The following PLRG1 variants were observed in gnomAD, a reference collection of about 807,000 sequenced individuals.
PLRG1 encodes pleiotropic regulator 1.
In PLRG1, 28 loss-of-function variants were observed where a neutral mutation model predicts 74.9. That is an observed-to-expected ratio of 0.37 (90% CI 0.28 to 0.51). The LOEUF (loss-of-function observed/expected upper bound fraction) is 0.51. PLRG1 is among the 20% of genes least tolerant of loss of function. The pLI, the probability that PLRG1 is intolerant of heterozygous loss-of-function variation, is 0.91. For synonymous variants in PLRG1, 197 were observed against 212.4 expected, an observed-to-expected ratio of 0.93 and a Z score of 0.63; for missense variants, 445 against 631.9, an observed-to-expected ratio of 0.70 and a Z score of 3.17.
intron 10 of PLRG1, chr4:154,540,302 C>T (rs942902884): frequency 1.6e-5 from 9 of 578,722 alleles, no homozygotes; most frequent in Non-Finnish European, 2.1e-5. Flanking sequence ...GATGGGACTA[C>T]TTTTTAAGAC....
rs566102184 is a variant in PLRG1 at position 154,549,126 on chromosome 4, A to T, written c.10-191T>A. ...GAAGCTCCTCTTTGGCTAGAACCTC[A>T]GGTTTAGCAACTGAGTGATGCCGGA... On this transcript the variant is annotated intron_variant, in intron 1 of 14. Coordinates refer to ENST00000499023, the MANE Select transcript of PLRG1 (RefSeq NM_002669.4). 3.1e-5 allele frequency: 18 copies of T among 581,088 alleles called. No individual in the cohort carries two copies. The African/African-American group carries it at 3.3e-4, about 11-fold the overall frequency. 36.0% of individuals were successfully genotyped at this position (581,088 alleles called of 1,614,324 possible).
intron 8 of PLRG1, chr4:154,541,885 T>C: frequency 3.1e-6 from 1 of 320,238 alleles, no homozygotes; most frequent in Non-Finnish European, 5.9e-6. Context: ...ATTCTCTATA[T>C]TTTCCACATT....
chr4:154,539,462 A>C (rs1578766596), intron 11 of PLRG1, among the ~76,000 whole-genome samples: 1 of 152,204 alleles, frequency 6.6e-6, no homozygotes, highest in South Asian at 2.1e-4. Flanking sequence ...ATAACAAATA[A>C]ATATATAATT....
intron 1 of PLRG1, chr4:154,549,899 G>T (rs548072224): frequency 4.9e-6 from 2 of 410,330 alleles, no homozygotes; most frequent in African/African-American, 4.1e-5. Context: ...TTTTCTGGGG[G>T]TAGAGGTGAA....
chr4:154,537,165 T>G, intron 14 of PLRG1, 121 bp downstream of exon 14: 1 of 607,038 alleles, frequency 1.6e-6, no homozygotes. Context: ...ATGGACACTA[T>G]TCAAGAAGAC....
intron 8 of PLRG1, among the ~76,000 whole-genome samples, chr4:154,541,312 T>A (rs539267900): frequency 1.4e-4 from 22 of 152,280 alleles, no homozygotes; most frequent in African/African-American, 5.1e-4. Flanking sequence ...CAAAGTTTTT[T>A]AAAAAGATTA....
At chr4:154,547,585 G>A in intron 3 of PLRG1, 126 bp downstream of exon 3, 1 of 779,660 alleles carries the variant, frequency 1.3e-6, no homozygotes, top group Non-Finnish European at 2.1e-6. Context: ...TTATAATACA[G>A]GTACGGCCAT....
intron 10 of PLRG1, 79 bp from the exon 11 acceptor site, chr4:154,540,132 C>T (rs1315225828): frequency 3.7e-6 from 3 of 804,936 alleles, no homozygotes; most frequent in Non-Finnish European, 6.5e-6. Flanking sequence ...CAATTCAAGG[C>T]TGAAAATTTA....
intron 1 of PLRG1, among the ~76,000 whole-genome samples, chr4:154,549,455 T>C (rs1305959859): frequency 1.3e-5 from 2 of 152,028 alleles, no homozygotes; most frequent in East Asian, 1.9e-4. Flanking sequence ...CTGATGGAAA[T>C]GTCATGTAAA....
At chr4:154,539,434 C>T (rs1272031499) in intron 11 of PLRG1, among the ~76,000 whole-genome samples, 1 of 151,914 alleles carries the variant, frequency 6.6e-6, no homozygotes, top group Non-Finnish European at 1.5e-5. Context: ...GTCAATTGAA[C>T]AGCTAAAACA....
chr4:154,546,509 A>C, intron 4 of PLRG1: 1 of 345,458 alleles, frequency 2.9e-6, no homozygotes, highest in South Asian at 3.6e-5. Flanking sequence ...AGTATTAAGC[A>C]GTTCCTCAAA....
chr4:154,548,719 T>C (rs1386166627), intron 2 of PLRG1, 110 bp downstream of exon 2: 1 of 629,338 alleles, frequency 1.6e-6, no homozygotes, highest in East Asian at 2.8e-5. Flanking sequence ...CATTATTGAA[T>C]AATTAGCCCA....
rs1729685585 is a variant in PLRG1 at position 154,547,752 on chromosome 4, G to A, written c.218C>T (p.Ala73Val). ...ENLKEKGPQN[A>V]TDSYVHKQYP... ...CTGTTTATGAACATATGAATCCGTT[G>A]CATTCTGAGGACCCTTCTCTTTAAG... The change falls in exon 3 of 15, where the codon GCA becomes GTA. Residue 73 changes from alanine (A) to valine (V), a missense_variant. Ala to Val is a moderately conservative substitution (Grantham distance 64, BLOSUM62 0). Around this residue, in one of 3 missense-constraint regions of PLRG1, gnomAD observed 206 missense variants for 210.8 expected, o/e 0.98. Transcript: ENST00000499023. 1.2e-6 allele frequency: 2 copies of A among 1,612,676 alleles called. No individual in the cohort carries two copies. The highest frequency in any genetic ancestry group is 1.1e-5 in the South Asian group (1 of 91,046).
Position 154,544,747 on chromosome 4 carries a change from C to T in PLRG1, c.493-201G>A, listed in dbSNP as rs144777090. Among the ~76,000 whole-genome samples, 306 of 152,274 alleles carry T rather than the reference C, an allele frequency of 2.0e-3. 1 individual carries two copies. The highest frequency in any genetic ancestry group is 6.5e-3 in the African/African-American group (272 of 41,558). On this transcript the variant is annotated intron_variant, in intron 6 of 14. Coordinates refer to ENST00000499023, the MANE Select transcript of PLRG1 (RefSeq NM_002669.4). The stretch of plus-strand genomic sequence containing the variant: ...GAGCATTAGACTTAAGAGCACACAT[C>T]ACTGTGTACGGGTTCAAAACCCAGC...
intron 6 of PLRG1, 25 bp from the exon 7 acceptor site, chr4:154,544,571 T>C (rs1161303742): frequency 7.7e-7 from 1 of 1,300,520 alleles, no homozygotes. Context: ...GACATTATTA[T>C]TATTAAAGAC....
At position 154,538,126 on chromosome 4, in the gene PLRG1, A is replaced by G. The variant is rs1351442153; in HGVS notation, c.1152-18T>C. On this transcript the variant is annotated intron_variant, in intron 12 of 14. Coordinates refer to ENST00000499023, the MANE Select transcript of PLRG1 (RefSeq NM_002669.4). ...ATGTGTAACTGAAATAATATTAAAA[A>G]GAATTAACGACAAAGTAAACCAAGT... 1 of 1,358,010 alleles carries G rather than the reference A, an allele frequency of 7.4e-7. No individual in the cohort carries two copies. Among genetic ancestry groups the G allele is most frequent in the South Asian group, 1.5e-5 (1 of 65,330 alleles). The allele number at this position is 1,358,010 out of a possible 1,614,324, so 84.1% of individuals were successfully genotyped here. A position where few individuals can be genotyped will look rare whatever the true frequency, so the allele number is the denominator to read the frequency against.
Position 154,537,462 on chromosome 4 carries a change from G to A in PLRG1, c.1309C>T (p.His437Tyr), listed in dbSNP as rs373941707. The A allele has an allele frequency of 2.5e-6, 4 of 1,612,800 alleles. No individual in the cohort carries two copies. In the African/African-American group the frequency reaches 5.3e-5, roughly 22 times the overall value. The change falls in exon 14 of 15, where the codon CAT (histidine) becomes TAT (tyrosine). Residue 437 changes from histidine (H) to tyrosine (Y), a missense_variant. This residue lies in a region of PLRG1 where 221 missense variants were observed against 377.7 expected (regional missense o/e 0.59). Coordinates refer to ENST00000499023, the MANE Select transcript of PLRG1 (RefSeq NM_002669.4). ...TAGCCAGTTCTCCAGTCCCAAAGAT[G>A]CATGGTGCCATTGTCAGCTTAAAGG... is the stretch of plus-strand genomic sequence containing the variant. ...LVSGADNGTMHLWDWRTGYNF... is the reference protein window; with the variant it reads ...LVSGADNGTMYLWDWRTGYNF...
rs1305245413 is a variant in PLRG1 at position 154,536,304 on chromosome 4, GTTA to G, written c.*378_*380del. ...TAATCTCAAATTATTAGTCACAGAT[GTTA>G]TTTTTTAAAGGACTAAAAAAAAACT... On this transcript the variant is annotated 3_prime_UTR_variant, in exon 15 of 15. Transcript: ENST00000499023. The G allele has an allele frequency of 6.0e-6, 1 of 166,070 alleles. No individual in the cohort carries two copies. The highest frequency in any genetic ancestry group is 2.4e-5 in the African/African-American group (1 of 41,468). 10.3% of individuals were successfully genotyped at this position (166,070 alleles called of 1,614,324 possible).
At chr4:154,542,165 T>C (rs199868966) in intron 8 of PLRG1, 22 bp downstream of exon 8, 22 of 1,402,418 alleles carry the variant, frequency 1.6e-5, no homozygotes, top group Non-Finnish European at 1.0e-6. Flanking sequence ...GTCATGTTTA[T>C]TTTTTCTTCC....
Sources: allele counts gnomAD v4.1 joint callset (sites outside exome capture counted in the v4.1 genomes callset), GRCh38; gene constraint gnomAD v4.1.1; regional missense constraint gnomAD v4.1.1; transcripts MANE v1.5; gene names NCBI Gene and HGNC (gene_info 2026-07-23, HGNC 2026-07-21).